MOB3B: variants seen among roughly 807,000 people sequenced by gnomAD.
MOB3B encodes the protein MOB kinase activator-like 2B.
MOB3B carries 7 observed loss-of-function variants against 18.7 expected under a neutral mutation model. The observed-to-expected ratio is 0.37, with a 90% CI of 0.21 to 0.70. The LOEUF is 0.70. Ranked by LOEUF, MOB3B falls within the 30% of genes least tolerant of loss-of-function variation. MOB3B has a pLI of 0.52. For synonymous variants in MOB3B, 111 were observed against 99.9 expected (o/e 1.11, Z -0.66); for missense variants, 253 against 281.3 (o/e 0.90, Z 0.72).
chr9:27,338,719 G>A (rs892749009), intron 3 of MOB3B, among the ~76,000 whole-genome samples: 5 of 152,174 alleles, frequency 3.3e-5, no homozygotes, highest in Admixed American at 2.6e-4. Flanking sequence ...TGTCGCTGTC[G>A]GGACCACAGC....
chr9:27,423,497 C>T (rs1052161674), intron 2 of MOB3B, among the ~76,000 whole-genome samples: 7 of 150,716 alleles, frequency 4.6e-5, no homozygotes, highest in Non-Finnish European at 7.4e-5. Context: ...TCTCACCTTA[C>T]TTATACCCTG....
chr9:27,392,367 G>A (rs35239402), intron 2 of MOB3B, among the ~76,000 whole-genome samples: 3,774 of 152,256 alleles, frequency 0.025, 72 homozygotes, highest in Non-Finnish European at 0.04. Flanking sequence ...TAAAACATCT[G>A]CAAATATTTG....
intron 2 of MOB3B, among the ~76,000 whole-genome samples, chr9:27,437,487 G>A (rs1822528128): frequency 6.6e-6 from 1 of 152,070 alleles, no homozygotes; most frequent in African/African-American, 2.4e-5. Context: ...CCATAGCTCT[G>A]TTAGCACATT....
chr9:27,417,393 A>C (rs1822168542), intron 2 of MOB3B, among the ~76,000 whole-genome samples: 1 of 151,884 alleles, frequency 6.6e-6, no homozygotes, highest in Admixed American at 6.6e-5. Context: ...ACAAACAAAC[A>C]AACAAACAAA....
At chr9:27,390,068 A>T (rs775460204) in intron 2 of MOB3B, among the ~76,000 whole-genome samples, 39 of 152,180 alleles carry the variant, frequency 2.6e-4, no homozygotes, top group Middle Eastern at 3.4e-3. Context: ...TATATATATA[A>T]AATATATATG....
intron 2 of MOB3B, among the ~76,000 whole-genome samples, chr9:27,445,850 G>A (rs1822682216): frequency 6.6e-6 from 1 of 152,070 alleles, no homozygotes; most frequent in Admixed American, 6.5e-5. Context: ...CCGGCGGATT[G>A]TCAAGGGATA....
intron 2 of MOB3B, among the ~76,000 whole-genome samples, chr9:27,393,372 AGTGT>A (rs35949017): frequency 0.022 from 3,273 of 148,698 alleles, 69 homozygotes; most frequent in African/African-American, 0.06. Context: ...GGTGCAGAGA[AGTGT>A]GTGTGTGTGT....
At chr9:27,452,206 GTCCA>G (rs74178389) in intron 2 of MOB3B, among the ~76,000 whole-genome samples, 19,067 of 151,712 alleles carry the variant, frequency 0.13, 1,248 homozygotes, top group African/African-American at 0.17. Flanking sequence ...CCACCCACCC[GTCCA>G]TCCATCCATC....
chr9:27,406,777 T>C (rs964895114), intron 2 of MOB3B, among the ~76,000 whole-genome samples: 1 of 152,004 alleles, frequency 6.6e-6, no homozygotes, highest in African/African-American at 2.4e-5. Context: ...CCTGAAGCTA[T>C]AAAACTACTT....
chr9:27,487,880 C>A (rs1482227269), intron 1 of MOB3B, among the ~76,000 whole-genome samples: 1 of 152,142 alleles, frequency 6.6e-6, no homozygotes, highest in Non-Finnish European at 1.5e-5. Context: ...TGCTCATGGT[C>A]TTTTGTGTGC....
chr9:27,454,789 A>G (rs544090034), intron 2 of MOB3B, among the ~76,000 whole-genome samples: 36 of 152,348 alleles, frequency 2.4e-4, no homozygotes, highest in African/African-American at 7.9e-4. Flanking sequence ...ATCAGAGTCC[A>G]TGTAACTTTA....
At chr9:27,419,524 C>G (rs1171567734) in intron 2 of MOB3B, among the ~76,000 whole-genome samples, 4 of 152,094 alleles carry the variant, frequency 2.6e-5, no homozygotes, top group African/African-American at 9.7e-5. Flanking sequence ...AACCGATCTT[C>G]AACAAAGCAA....
chr9:27,427,889 A>G (rs1470391823), intron 2 of MOB3B, among the ~76,000 whole-genome samples: 2 of 152,084 alleles, frequency 1.3e-5, no homozygotes, highest in East Asian at 3.9e-4. Flanking sequence ...CAGTCCCTCC[A>G]ACCAAGCCCA....
intron 2 of MOB3B, among the ~76,000 whole-genome samples, chr9:27,416,543 A>ATTTTTTTTTTTTTTT (rs1563863338): frequency 1.3e-5 from 1 of 74,320 alleles, no homozygotes; most frequent in East Asian, 7.3e-4. Flanking sequence ...ATTTCTTTTT[A>ATTTTTTTTTTTTTTT]ATTTTTTTTT....
intron 1 of MOB3B, among the ~76,000 whole-genome samples, chr9:27,519,522 C>G (rs969790170): frequency 1.3e-5 from 2 of 152,158 alleles, no homozygotes; most frequent in African/African-American, 4.8e-5. Context: ...TCTCCTATTC[C>G]CTATGAGCAT....
In MOB3B at chr9:27,464,269, A is replaced by G. The variant is rs113558235; in HGVS notation, c.-198-8521T>C. On this transcript the variant is annotated intron_variant, in intron 1 of 3. Transcript: ENST00000262244. ...AAGCCCTGCATAGGAGGAAAGAAAGAAAGAAAATGCTTCATTCTTGCTTAA... is the reference window on the plus strand; with the variant it reads ...AAGCCCTGCATAGGAGGAAAGAAAGGAAGAAAATGCTTCATTCTTGCTTAA... Among the ~76,000 whole-genome samples, 336 of 152,318 alleles carry G rather than the reference A, an allele frequency of 2.2e-3. 2 individuals are homozygous for G. Among genetic ancestry groups the G allele is most frequent in the African/African-American group, 7.9e-3 (327 of 41,576 alleles).
At chr9:27,377,499 C>T (rs946835710) in intron 2 of MOB3B, among the ~76,000 whole-genome samples, 6 of 152,118 alleles carry the variant, frequency 3.9e-5, no homozygotes, top group African/African-American at 1.4e-4. Flanking sequence ...CTTCTAACAC[C>T]TAGACCAGTG....
intron 1 of MOB3B, among the ~76,000 whole-genome samples, chr9:27,519,555 G>A (rs1483777357): frequency 1.3e-5 from 2 of 152,162 alleles, no homozygotes; most frequent in Non-Finnish European, 2.9e-5. Flanking sequence ...AAACAAGCCA[G>A]TTGTTATACC....
At chr9:27,411,237 C>A (rs536361421) in intron 2 of MOB3B, among the ~76,000 whole-genome samples, 1 of 152,354 alleles carries the variant, frequency 6.6e-6, no homozygotes, top group East Asian at 1.9e-4. Context: ...AGTCTGAAAT[C>A]TGTACCTGAG....
Sources: gnomAD v4.1 joint callset for allele counts (sites outside exome capture counted in the v4.1 genomes callset) on GRCh38, gnomAD v4.1.1 for gene constraint, MANE v1.5 for transcripts, NCBI Gene and HGNC (gene_info 2026-07-23, HGNC 2026-07-21) for gene names.